The following KDM5A variants were observed in gnomAD, a reference collection of about 807,000 sequenced individuals.
KDM5A encodes the protein lysine demethylase 5A.
A neutral mutation model predicts 193.5 loss-of-function variants in KDM5A; 42 were observed. That is an observed-to-expected ratio of 0.22 (90% confidence interval 0.17 to 0.28). KDM5A has a LOEUF of 0.28. Ranked by LOEUF, KDM5A falls within the 10% of genes least tolerant of loss-of-function variation. The pLI is 1.00. For synonymous variants in KDM5A, 796 were observed against 718.1 expected, an observed-to-expected ratio of 1.11 and a Z score of -1.73; for missense variants, 1,692 against 2,055.1, an observed-to-expected ratio of 0.82 and a Z score of 3.42.
Position 307,196 on chromosome 12 carries a change from A to C in KDM5A, c.3931-107T>G. On this transcript the variant is annotated intron_variant, in intron 23 of 27. Transcript: ENST00000399788. The surrounding 1 kb of genome is among the most constrained non-coding windows in gnomAD (Gnocchi z 4.3). Reference sequence around the variant, plus strand: ...ATGTAATGAATAAGCAAAGTGGCTAACAGAGTTCTTCAACAGTTAGTAGAA... The same window carrying C: ...ATGTAATGAATAAGCAAAGTGGCTACCAGAGTTCTTCAACAGTTAGTAGAA... 1 of 1,328,606 alleles carries C rather than the reference A, an allele frequency of 7.5e-7. No homozygotes were observed. The highest frequency in any genetic ancestry group is 1.2e-5 in the South Asian group (1 of 83,314). The allele number at this position is 1,328,606 out of a possible 1,614,324, so 82.3% of individuals were successfully genotyped here.
intron 27 of KDM5A, 84 bp from the exon 28 acceptor site, chr12:285,746 T>A: frequency 8.3e-7 from 1 of 1,208,122 alleles, no homozygotes; most frequent in Non-Finnish European, 1.2e-6. Flanking sequence ...TTTCTTGGCT[T>A]AAACAATAGC....
intron 10 of KDM5A, among the ~76,000 whole-genome samples, chr12:336,356 A>G (rs1355292433): frequency 1.3e-4 from 19 of 141,206 alleles, no homozygotes; most frequent in African/African-American, 5.1e-4. Flanking sequence ...ACCCTGTCTC[A>G]CTAAAAAAAA....
At chr12:298,894 C>T (rs766869776) in intron 24 of KDM5A, among the ~76,000 whole-genome samples, 3 of 151,634 alleles carry the variant, frequency 2.0e-5, no homozygotes, top group Non-Finnish European at 2.9e-5. Context: ...ACGAGAACTT[C>T]GTGAAGCATA....
At position 362,813 on chromosome 12, in the gene KDM5A, G is replaced by T. The variant is rs961665417; in HGVS notation, c.672+150C>A. On this transcript the variant is annotated intron_variant, in intron 5 of 27. Transcript: ENST00000399788. ...AAAACTCCCACGAGAAATGGCCCAT[G>T]AGCCAGGCACAGCAGCGCATACCAA... The T allele has an allele frequency of 4.4e-6, 3 of 687,202 alleles. No homozygotes were observed. In the South Asian group the frequency reaches 5.3e-5, roughly 12 times the overall value. 42.6% of individuals were successfully genotyped at this position (687,202 alleles called of 1,614,324 possible).
rs1208582755 is a variant in KDM5A, at chr12:307,943, G to C, written c.3441C>G (p.Ala1147=). 6.2e-7 allele frequency: 1 copy of C among 1,614,124 alleles called. No homozygotes were observed. The highest frequency in any genetic ancestry group is 1.1e-5 in the South Asian group (1 of 91,060). ...EIEAMHSLRA[A]NLAKMTMVDR... is the part of the protein sequence containing the mutation. Reference sequence around the variant, plus strand: ...CCACCATTGTCATCTTGGCTAGGTTGGCTGCTCTGAGAGAATGCATGGCTT... The same window carrying C: ...CCACCATTGTCATCTTGGCTAGGTTCGCTGCTCTGAGAGAATGCATGGCTT... The change falls in exon 23 of 28, where the codon GCC becomes GCG. Residue 1147 remains alanine, a synonymous_variant. Coordinates refer to ENST00000399788, the MANE Select transcript of KDM5A (RefSeq NM_001042603.3). The surrounding 1 kb of genome is among the most constrained non-coding windows in gnomAD (Gnocchi z 4.3).
Position 308,899 on chromosome 12 carries a change from A to G in KDM5A, c.3379-894T>C, listed in dbSNP as rs1269851023. On this transcript the variant is annotated intron_variant, in intron 22 of 27. Transcript: ENST00000399788. ...TCTTAACACATTCCTCCTATCCTCC[A>G]AAAAAGCATAATTCTCATCAACTAC... Among the ~76,000 whole-genome samples the G allele has an allele frequency of 2.0e-5, 3 of 152,138 alleles. No individual in the cohort carries two copies. In the South Asian group the frequency reaches 6.2e-4, roughly 32 times the overall value.
chr12:366,671 G>A (rs570552972), intron 3 of KDM5A, among the ~76,000 whole-genome samples: 9 of 152,220 alleles, frequency 5.9e-5, no homozygotes, highest in Non-Finnish European at 1.0e-4. Context: ...TAGATTTACC[G>A]ATACGGAGTA....
intron 3 of KDM5A, among the ~76,000 whole-genome samples, chr12:383,798 T>C (rs530183398): frequency 4.6e-5 from 7 of 152,086 alleles, no homozygotes; most frequent in African/African-American, 1.7e-4. Flanking sequence ...GCCCAGGCTG[T>C]AGTACAATGG....
rs202066745 is a variant in KDM5A, at chr12:322,549, A to C, written c.2294T>G (p.Val765Gly). 1.2e-6 allele frequency: 2 copies of C among 1,612,558 alleles called. No individual in the cohort carries two copies. The highest frequency in any genetic ancestry group is 1.7e-6 in the Non-Finnish European group (2 of 1,179,256). ...CCTATCCTCAGCATCTTCCAGCATT[A>C]CTCGCAATTCAATCAAATCTGTAAA... ...NHKKDLIELR[V>G]MLEDAEDRKY... The change falls in exon 17 of 28, where the codon GTA becomes GGA. Residue 765 changes from valine to glycine, a missense_variant. Val to Gly is a moderately radical substitution (Grantham distance 109). This residue lies in a region of KDM5A where 965 missense variants were observed against 1,061.0 expected (regional missense o/e 0.91). Transcript: ENST00000399788.
chr12:324,932 C>G (rs1361680969), intron 14 of KDM5A, among the ~76,000 whole-genome samples: 1 of 152,018 alleles, frequency 6.6e-6, no homozygotes. Flanking sequence ...CAAACACCTC[C>G]ATTTATTATA....
chr12:287,925 C>T (rs531464940), intron 27 of KDM5A, among the ~76,000 whole-genome samples: 6 of 152,308 alleles, frequency 3.9e-5, no homozygotes, highest in African/African-American at 1.2e-4. Context: ...ACAATACTTT[C>T]CCTTTTGTGA....
Position 323,210 on chromosome 12 carries a change from CAAAAAA to C in KDM5A, c.2151-10_2151-5del, listed in dbSNP as rs60377454. 8.5e-4 allele frequency: 252 copies of C among 296,868 alleles called. No homozygotes were observed. Among genetic ancestry groups the C allele is most frequent in the South Asian group, 1.4e-3 (36 of 26,436 alleles). 18.4% of individuals were successfully genotyped at this position (296,868 alleles called of 1,614,324 possible). The stretch of plus-strand genomic sequence containing the variant: ...GTCTTCTAATGGGTAGCGATATCTA[CAAAAAA>C]AAAAAAAAAAAAAAAAAAAAAAAGA... On this transcript the variant is annotated splice_polypyrimidine_tract_variant and splice_region_variant and intron_variant, in intron 15 of 27. Coordinates refer to ENST00000399788, the MANE Select transcript of KDM5A (RefSeq NM_001042603.3).
In KDM5A at chr12:319,420, G is replaced by A. The variant is rs979867770; in HGVS notation, c.2542-959C>T. Among the ~76,000 whole-genome samples, 11 of 152,264 alleles carry A rather than the reference G, an allele frequency of 7.2e-5. 1 individual carries two copies. The South Asian group carries it at 2.3e-3, about 32-fold the overall frequency. ...AGCACTTGTTTAAATATTGAACACG[G>A]GGTATAAGGGAAATAAAGAAATCAA... On this transcript the variant is annotated intron_variant, in intron 18 of 27. Coordinates refer to ENST00000399788, the MANE Select transcript of KDM5A (RefSeq NM_001042603.3).
At chr12:332,053 G>T in intron 12 of KDM5A, 115 bp from the exon 13 acceptor site, 1 of 984,252 alleles carries the variant, frequency 1.0e-6, no homozygotes, top group Non-Finnish European at 1.6e-6. Context: ...AAACAATAAA[G>T]CATTAAGTTA....
At position 281,212 on chromosome 12, in the gene KDM5A, C is replaced by T. The variant is rs1565519515; in HGVS notation, c.*4244G>A. ...TCAAAGATCAAGAAATCGAGTTATA[C>T]TTTTCATAAGGCACCACCAATTACC... On this transcript the variant is annotated 3_prime_UTR_variant, in exon 28 of 28. Coordinates refer to ENST00000399788, the MANE Select transcript of KDM5A (RefSeq NM_001042603.3). 8.6e-6 allele frequency: 2 copies of T among 232,920 alleles called. No homozygotes were observed. Among genetic ancestry groups the T allele is most frequent in the Non-Finnish European group, 1.7e-5 (2 of 117,952 alleles). 14.4% of individuals were successfully genotyped at this position (232,920 alleles called of 1,614,324 possible).
At chr12:294,282 G>A (rs1031506241) in intron 26 of KDM5A, among the ~76,000 whole-genome samples, 1 of 150,950 alleles carries the variant, frequency 6.6e-6, no homozygotes, top group Admixed American at 6.6e-5. Context: ...AGTGTATCTA[G>A]TAACAGAAAG....
rs760603595 is a variant in KDM5A at position 293,079 on chromosome 12, G to C, written c.4546C>G (p.Leu1516Val). 2.5e-6 allele frequency: 4 copies of C among 1,588,190 alleles called. No homozygotes were observed. In the African/African-American group the frequency reaches 4.1e-5, roughly 16 times the overall value. The stretch of plus-strand genomic sequence containing the variant: ...GACTTCTGTTTTCCTTCTCCAAAAA[G>C]TTGCTCTACCTTTTCTAGCTTCCGT... The part of the protein sequence containing the change: ...RKRKLEKVEQ[L>V]FGEGKQKSKE... The change falls in exon 27 of 28, where the codon CTT (leucine) becomes GTT (valine). Residue 1516 changes from leucine (L) to valine (V), a missense_variant. Physicochemically the swap from Leu to Val is conservative, Grantham distance 32. Around this residue, in one of 11 missense-constraint regions of KDM5A, gnomAD observed 965 missense variants for 1,061.0 expected, o/e 0.91. Coordinates refer to ENST00000399788, the MANE Select transcript of KDM5A (RefSeq NM_001042603.3).
At chr12:289,673 C>T (rs1236948321) in intron 27 of KDM5A, among the ~76,000 whole-genome samples, 2 of 147,594 alleles carry the variant, frequency 1.4e-5, no homozygotes, top group African/African-American at 5.1e-5. Flanking sequence ...TATGACCACA[C>T]CACTGCACTC....
intron 8 of KDM5A, among the ~76,000 whole-genome samples, chr12:353,650 T>C (rs1185759975): frequency 2.6e-5 from 4 of 152,050 alleles, no homozygotes; most frequent in Admixed American, 6.6e-5. Context: ...TGGCCAGGCA[T>C]GGTGGCTCAA....
Sources: gnomAD v4.1 joint callset for allele counts (sites outside exome capture counted in the v4.1 genomes callset) on GRCh38, gnomAD v4.1.1 for gene constraint, gnomAD v4.1.1 regional missense constraint, Gnocchi (gnomAD v3.1) non-coding constraint, MANE v1.5 for transcripts, NCBI Gene and HGNC (gene_info 2026-07-23, HGNC 2026-07-21) for gene names.